Variants in SLC9A3 observed in about 807,000 individuals in gnomAD.
SLC9A3 encodes solute carrier family 9 member A3.
In SLC9A3, 37 loss-of-function variants were observed where a neutral mutation model predicts 86.8. That is an observed-to-expected ratio of 0.43 (90% CI 0.33 to 0.56). SLC9A3 has a LOEUF of 0.56. Ranked by LOEUF, SLC9A3 falls within the 20% of genes least tolerant of loss-of-function variation. The pLI, the probability that SLC9A3 is intolerant of heterozygous loss-of-function variation, is 0.06. For synonymous variants in SLC9A3, 581 were observed against 528.3 expected (o/e 1.10, Z -1.37); for missense variants, 1,011 against 1,171.9 (o/e 0.86, Z 2.00).
Position 472,831 on chromosome 5 carries a change from C to G in SLC9A3, c.*548G>C. ...CCCGAGTCAGTCCCCGGGCGCGGGG[C>G]TCGGTTGGGGGGGCCCGGAACCTTG... On this transcript the variant is annotated 3_prime_UTR_variant, in exon 17 of 17. Transcript: ENST00000264938. The G allele has an allele frequency of 1.8e-6, 1 of 551,268 alleles. No homozygotes were observed. The highest frequency in any genetic ancestry group is 3.4e-6 in the Non-Finnish European group (1 of 291,644). 34.1% of individuals were successfully genotyped at this position (551,268 alleles called of 1,614,324 possible). A position where few individuals can be genotyped will look rare whatever the true frequency, so the allele number is the denominator to read the frequency against.
intron 1 of SLC9A3, among the ~76,000 whole-genome samples, chr5:509,482 G>A (rs1466673005): frequency 7.1e-6 from 1 of 141,682 alleles, no homozygotes; most frequent in East Asian, 2.2e-4. Flanking sequence ...AAGGAGGGAG[G>A]GAGGGAGGGA....
intron 1 of SLC9A3, among the ~76,000 whole-genome samples, chr5:501,714 C>T (rs1740285834): frequency 6.6e-6 from 1 of 152,240 alleles, no homozygotes; most frequent in Admixed American, 6.5e-5. Context: ...CTCAGTATCA[C>T]TTTACCCGCC....
intron 3 of SLC9A3, 97 bp downstream of exon 3, chr5:488,219 T>C: frequency 7.3e-7 from 1 of 1,374,208 alleles, no homozygotes; most frequent in Non-Finnish European, 1.0e-6. Context: ...GAGGACAGGG[T>C]TTCACGCCCT....
chr5:487,041 C>CCAG (rs1335251490), intron 3 of SLC9A3, among the ~76,000 whole-genome samples: 8 of 6,072 alleles, frequency 1.3e-3, no homozygotes, highest in Admixed American at 2.7e-3. Flanking sequence ...CACTGACACC[C>CCAG]ACCGCACTGA....
intron 9 of SLC9A3, among the ~76,000 whole-genome samples, chr5:481,358 G>A (rs1401679998): frequency 1.3e-5 from 2 of 152,160 alleles, no homozygotes; most frequent in Admixed American, 6.5e-5. Flanking sequence ...CCCCTCACTC[G>A]GTGGCCCCAA....
At chr5:508,519 A>G (rs562685532) in intron 1 of SLC9A3, among the ~76,000 whole-genome samples, 1 of 112,040 alleles carries the variant, frequency 8.9e-6, no homozygotes. Flanking sequence ...GCAGGGAGAC[A>G]CAGCCCATAG....
chr5:472,586 G>A lies in SLC9A3; in HGVS notation c.*793C>T, dbSNP rs1365375952. ...CCACCCTGAGACCGGGCGCGGGCAGGACGGAACCTGGGGGGGAAACGGGGC... is the reference window on the plus strand; with the variant it reads ...CCACCCTGAGACCGGGCGCGGGCAGAACGGAACCTGGGGGGGAAACGGGGC... On this transcript the variant is annotated 3_prime_UTR_variant, in exon 17 of 17. Transcript: ENST00000264938. The A allele has an allele frequency of 1.9e-5, 7 of 375,724 alleles. No individual in the cohort carries two copies. The highest frequency in any genetic ancestry group is 3.3e-5 in the Admixed American group (1 of 30,718). The allele number at this position is 375,724 out of a possible 1,614,324, so 23.3% of individuals were successfully genotyped here. A position where few individuals can be genotyped will look rare whatever the true frequency, so the allele number is the denominator to read the frequency against.
At chr5:475,744 A>G in intron 14 of SLC9A3, 73 bp from the exon 15 acceptor site, 5 of 877,176 alleles carry the variant, frequency 5.7e-6, no homozygotes, top group Non-Finnish European at 9.3e-6. Context: ...AGCAGTGTCC[A>G]TCAGCTCTGT....
At chr5:521,402 T>C (rs1395373130) in intron 1 of SLC9A3, among the ~76,000 whole-genome samples, 1 of 152,218 alleles carries the variant, frequency 6.6e-6, no homozygotes, top group East Asian at 1.9e-4. Context: ...GGGATCAACA[T>C]TGCTGTGGGT....
At chr5:475,939 G>A (rs1738698374) in intron 14 of SLC9A3, 81 bp downstream of exon 14, 2 of 1,242,040 alleles carry the variant, frequency 1.6e-6, no homozygotes, top group Non-Finnish European at 2.2e-6. Context: ...GTCCTGAGAG[G>A]GGAGGTTCCC....
chr5:474,689 G>GGC (rs1229488837), intron 16 of SLC9A3, among the ~76,000 whole-genome samples, 194 bp downstream of exon 16: 322 of 27,562 alleles, frequency 0.012, 21 homozygotes, highest in African/African-American at 0.022. Flanking sequence ...GGGGTTAGGC[G>GGC]GGGAGAGAGA....
chr5:473,142 T>TCCGGCCCCGCCCCCGGCG lies in SLC9A3; in HGVS notation c.*219_*236dup. 6.2e-6 allele frequency: 1 copy of TCCGGCCCCGCCCCCGGCG among 161,840 alleles called. No individual in the cohort carries two copies. The highest frequency in any genetic ancestry group is 9.6e-6 in the Non-Finnish European group (1 of 104,146). 10.0% of individuals were successfully genotyped at this position (161,840 alleles called of 1,614,324 possible). Reference sequence around the variant, plus strand: ...GTGCGCACTCGGCAGCCCTCGGCGCTCCGGCCCCGCCCCCGGCGCAGGCCC... The same window carrying TCCGGCCCCGCCCCCGGCG: ...GTGCGCACTCGGCAGCCCTCGGCGCTCCGGCCCCGCCCCCGGCGCCGGCCCCGCCCCCGGCGCAGGCCC... On this transcript the variant is annotated 3_prime_UTR_variant, in exon 17 of 17. Transcript: ENST00000264938.
chr5:483,616 C>A, intron 5 of SLC9A3, 134 bp from the exon 6 acceptor site: 1 of 694,116 alleles, frequency 1.4e-6, no homozygotes, highest in African/African-American at 1.8e-5. Context: ...GCCTCTTCCT[C>A]CCGAGCCAGG....
chr5:479,791 G>A (rs766542708), intron 10 of SLC9A3, 45 bp downstream of exon 10: 38 of 1,606,024 alleles, frequency 2.4e-5, no homozygotes, highest in African/African-American at 2.1e-4. Flanking sequence ...GCCAGTGCCA[G>A]AGCCTGCTGC....
Position 523,558 on chromosome 5 carries a change from T to C in SLC9A3, c.211+554A>G, listed in dbSNP as rs150440006. ...CTGCCGTGCCCACATTACTGGTTCATTGGCGCCGGTTAAGAAGAAGAGAAA... is the reference window on the plus strand; with the variant it reads ...CTGCCGTGCCCACATTACTGGTTCACTGGCGCCGGTTAAGAAGAAGAGAAA... On this transcript the variant is annotated intron_variant, in intron 1 of 16. Coordinates refer to ENST00000264938, the MANE Select transcript of SLC9A3 (RefSeq NM_004174.4). Among the ~76,000 whole-genome samples, 240 of 151,062 alleles carry C rather than the reference T, an allele frequency of 1.6e-3. 3 individuals carry two copies. Among genetic ancestry groups the C allele is most frequent in the Non-Finnish European group, 1.0e-3 (71 of 67,870 alleles).
Position 524,198 on chromosome 5 carries a change from A to C in SLC9A3, c.125T>G (p.Phe42Cys). ...GGCCCACTCGAAGGTGACCACCTGG[A>C]AGCCCCCGCTCTCGCCGTGCGCGCC... ...PGGAHGESGG[F>C]QVVTFEWAHV... Residue 42 changes from phenylalanine (F) to cysteine (C), a missense_variant, in exon 1 of 17, where the codon TTC (phenylalanine) becomes TGC (cysteine). Phe to Cys is a radical substitution (Grantham distance 205). Transcript: ENST00000264938. 6.5e-7 allele frequency: 1 copy of C among 1,540,632 alleles called. No individual in the cohort carries two copies. The highest frequency in any genetic ancestry group is 8.7e-7 in the Non-Finnish European group (1 of 1,146,662).
intron 10 of SLC9A3, 178 bp downstream of exon 10, chr5:479,655 CCCA>C (rs1453401141): frequency 6.9e-5 from 42 of 607,196 alleles, no homozygotes; most frequent in Non-Finnish European, 5.5e-5. Context: ...CTCAGTTTAC[CCCA>C]CGAGAGCCCC....
chr5:477,367 T>G lies in SLC9A3; in HGVS notation c.1725A>C (p.Arg575=), dbSNP rs149947779. ...DNVVNVDFTP[R]SSTVEASVSY... ...AGACAGAGGCCTCCACGGTGGACGA[T>G]CGTGGCGTGAAGTCCACGTTGACCA... Residue 575 remains arginine (R), a synonymous_variant, in exon 11 of 17, where the codon CGA becomes CGC. Transcript: ENST00000264938. 159 of 1,612,660 alleles carry G rather than the reference T, an allele frequency of 9.9e-5. No homozygotes were observed. The highest frequency in any genetic ancestry group is 1.3e-4 in the Non-Finnish European group (156 of 1,179,410).
intron 1 of SLC9A3, among the ~76,000 whole-genome samples, chr5:506,506 G>A (rs958521267): frequency 3.9e-5 from 6 of 152,180 alleles, no homozygotes; most frequent in Middle Eastern, 3.2e-3. Flanking sequence ...CCTGCCAAGC[G>A]GGGCACCACT....
Sources: allele counts gnomAD v4.1 joint callset (sites outside exome capture counted in the v4.1 genomes callset), GRCh38; gene constraint gnomAD v4.1.1; transcripts MANE v1.5; gene names NCBI Gene and HGNC (gene_info 2026-07-23, HGNC 2026-07-21).